SLC35F4: variants seen among roughly 807,000 people sequenced by gnomAD.
SLC35F4 encodes solute carrier family 35 member F4.
In SLC35F4, 24 loss-of-function variants were observed where a neutral mutation model predicts 44.2. The ratio of observed to expected loss-of-function variants is 0.54; its 90% CI spans 0.39 to 0.76. The LOEUF (loss-of-function observed/expected upper bound fraction) is 0.76. Among genes scored for constraint, SLC35F4 ranks in the 30% least tolerant of loss-of-function variants. The pLI, the probability that SLC35F4 is intolerant of heterozygous loss-of-function variation, is 0.00. For synonymous variants in SLC35F4, 238 were observed against 223.6 expected (o/e 1.06, Z -0.57); for missense variants, 562 against 586.1 (o/e 0.96, Z 0.42).
intron 1 of SLC35F4, among the ~76,000 whole-genome samples, chr14:57,929,912 CT>C (rs1566932128): frequency 6.6e-6 from 1 of 152,206 alleles, no homozygotes; most frequent in East Asian, 1.9e-4. Flanking sequence ...AGTCTGGGTG[CT>C]TTTTTTCCCT....
rs748541863 is a variant in SLC35F4, at chr14:57,569,853, T to G, written c.1061A>C (p.Glu354Ala). The change falls in exon 6 of 8, where the codon GAG becomes GCG. Residue 354 changes from glutamate (E) to alanine (A), a missense_variant. Physicochemically the swap from Glu to Ala is moderately radical, Grantham distance 107 (BLOSUM62 -1). Transcript: ENST00000556826. ...TPVILYFTKVEHWSSFAALPW... is the reference protein window; with the variant it reads ...TPVILYFTKVAHWSSFAALPW... Reference sequence around the variant, plus strand: ...CAGAGCAGCAAAAGAGGACCAGTGCTCCACCTTGGTGAAATACAAGATGAC... The same window carrying G: ...CAGAGCAGCAAAAGAGGACCAGTGCGCCACCTTGGTGAAATACAAGATGAC... 1 of 1,611,534 alleles carries G rather than the reference T, an allele frequency of 6.2e-7. No individual in the cohort carries two copies. The highest frequency in any genetic ancestry group is 8.5e-7 in the Non-Finnish European group (1 of 1,178,976).
intron 1 of SLC35F4, among the ~76,000 whole-genome samples, chr14:57,729,833 A>C (rs151331030): frequency 0.011 from 1,684 of 152,306 alleles, 14 homozygotes; most frequent in South Asian, 0.052. Flanking sequence ...CTGGGACCCC[A>C]GAGCACTTCA....
intron 1 of SLC35F4, among the ~76,000 whole-genome samples, chr14:57,915,550 G>T (rs1186023608): frequency 6.6e-6 from 1 of 152,140 alleles, no homozygotes; most frequent in Non-Finnish European, 1.5e-5. Context: ...GCAGCAGACT[G>T]AATGCTTTGC....
At chr14:57,620,002 A>G (rs1318661313) in intron 1 of SLC35F4, among the ~76,000 whole-genome samples, 2 of 152,166 alleles carry the variant, frequency 1.3e-5, no homozygotes, top group Non-Finnish European at 2.9e-5. Context: ...AAAAAGAATG[A>G]AAAGAAATGA....
intron 1 of SLC35F4, among the ~76,000 whole-genome samples, chr14:57,620,333 G>A (rs2072107840): frequency 6.6e-6 from 1 of 152,214 alleles, no homozygotes; most frequent in Middle Eastern, 3.2e-3. Flanking sequence ...CAGACTAACA[G>A]TGAATCTCTC....
intron 1 of SLC35F4, among the ~76,000 whole-genome samples, chr14:57,720,823 C>G (rs1026706540): frequency 6.6e-6 from 1 of 151,702 alleles, no homozygotes; most frequent in African/African-American, 2.4e-5. Context: ...AGTCTAGCCT[C>G]CCAGGCTACA....
intron 1 of SLC35F4, among the ~76,000 whole-genome samples, chr14:57,977,497 G>A (rs1881253309): frequency 2.0e-5 from 3 of 152,158 alleles, no homozygotes; most frequent in African/African-American, 4.8e-5. Flanking sequence ...GGAACTGATA[G>A]AAAGTGATTG....
Position 57,617,130 on chromosome 14 carries a change from C to CTTTTTTTTTTTTTTT in SLC35F4, c.104-23021_104-23007dup, listed in dbSNP as rs3054446. 3.4e-4 allele frequency among the ~76,000 whole-genome samples: 34 copies of CTTTTTTTTTTTTTTT among 99,242 alleles called. 3 individuals are homozygous for CTTTTTTTTTTTTTTT. Among genetic ancestry groups the CTTTTTTTTTTTTTTT allele is most frequent in the Non-Finnish European group, 5.0e-4 (26 of 52,458 alleles). 65.1% of individuals were successfully genotyped at this position (99,242 alleles called of 152,430 possible). A position where few individuals can be genotyped will look rare whatever the true frequency, so the allele number is the denominator to read the frequency against. On this transcript the variant is annotated intron_variant, in intron 1 of 7. Coordinates refer to ENST00000556826, the MANE Select transcript of SLC35F4 (RefSeq NM_001306087.2). ...CGAGCTCAGCTTAACTGTACTTATTCTTTTTTTTTTTTTTTTTTGAGACAG... is the reference window on the plus strand; with the variant it reads ...CGAGCTCAGCTTAACTGTACTTATTCTTTTTTTTTTTTTTTTTTTTTTTTTTTTTTTTTGAGACAG...
At chr14:57,777,448 T>C (rs982142102) in intron 1 of SLC35F4, among the ~76,000 whole-genome samples, 1 of 152,246 alleles carries the variant, frequency 6.6e-6, no homozygotes, top group African/African-American at 2.4e-5. Flanking sequence ...TATGCAGTCA[T>C]AAAAAAGGAT....
In SLC35F4 at chr14:57,621,436, A is replaced by G. The variant is rs558641605; in HGVS notation, c.104-27312T>C. Among the ~76,000 whole-genome samples the G allele has an allele frequency of 2.0e-5, 3 of 152,264 alleles. No individual in the cohort carries two copies. The East Asian group carries it at 5.8e-4, about 29-fold the overall frequency. The stretch of plus-strand genomic sequence containing the variant: ...CAAACTACACTACAAGGCTACAGTA[A>G]CCAAAACAGCATGGTACTGGTACCA... On this transcript the variant is annotated intron_variant, in intron 1 of 7. Coordinates refer to ENST00000556826, the MANE Select transcript of SLC35F4 (RefSeq NM_001306087.2).
At chr14:57,635,583 C>A (rs570868174) in intron 1 of SLC35F4, among the ~76,000 whole-genome samples, 25 of 152,132 alleles carry the variant, frequency 1.6e-4, no homozygotes, top group African/African-American at 5.5e-4. Context: ...CAGGAGGAAC[C>A]AGCACTGAGC....
Position 57,603,258 on chromosome 14 carries a change from T to C in SLC35F4, c.104-9134A>G, listed in dbSNP as rs180975279. 4.7e-3 allele frequency among the ~76,000 whole-genome samples: 711 copies of C among 152,302 alleles called. 6 individuals carry two copies. The highest frequency in any genetic ancestry group is 0.017 in the Middle Eastern group (5 of 294). ...GATCTTTAAATAATTTCCCAGATAATAGAAAGTGCTTTTCATTGCAAAAGA... is the reference window on the plus strand; with the variant it reads ...GATCTTTAAATAATTTCCCAGATAACAGAAAGTGCTTTTCATTGCAAAAGA... On this transcript the variant is annotated intron_variant, in intron 1 of 7. Coordinates refer to ENST00000556826, the MANE Select transcript of SLC35F4 (RefSeq NM_001306087.2).
At chr14:57,598,211 A>G (rs1476221608) in intron 1 of SLC35F4, among the ~76,000 whole-genome samples, 1 of 152,144 alleles carries the variant, frequency 6.6e-6, no homozygotes, top group Non-Finnish European at 1.5e-5. Flanking sequence ...TTCTCTGCGG[A>G]AAATTTGGTT....
rs572660364 is a variant in SLC35F4, at chr14:57,865,989, A to AGCGGCGGCGGCGGCG, written c.-179_-165dup. 2 of 373,206 alleles carry AGCGGCGGCGGCGGCG rather than the reference A, an allele frequency of 5.4e-6. No homozygotes were observed. The highest frequency in any genetic ancestry group is 9.0e-6 in the Non-Finnish European group (2 of 220,996). 23.1% of individuals were successfully genotyped at this position (373,206 alleles called of 1,614,324 possible). On this transcript the variant is annotated 5_prime_UTR_variant, in exon 1 of 8. Transcript: ENST00000556826. ...CGGCGCAGCACCGGCTCCGCATCAC[A>AGCGGCGGCGGCGGCG]GCGGCGGCGGCGGCGGCGGCGGCGG...
intron 1 of SLC35F4, among the ~76,000 whole-genome samples, chr14:57,620,924 T>C (rs2072143294): frequency 6.6e-6 from 1 of 152,038 alleles, no homozygotes; most frequent in African/African-American, 2.4e-5. Context: ...AACCCCATCA[T>C]CTCAGCCCAA....
intron 1 of SLC35F4, among the ~76,000 whole-genome samples, chr14:57,636,358 C>A (rs1481732096): frequency 6.6e-6 from 1 of 152,058 alleles, no homozygotes; most frequent in African/African-American, 2.4e-5. Flanking sequence ...AAATACCATG[C>A]ACGGTAGCTC....
intron 1 of SLC35F4, among the ~76,000 whole-genome samples, chr14:57,773,325 C>T (rs982213022): frequency 2.0e-5 from 3 of 152,178 alleles, no homozygotes; most frequent in African/African-American, 7.2e-5. Context: ...ATATACATAA[C>T]TCACCAACTC....
chr14:57,603,291 A>G (rs75682378), intron 1 of SLC35F4, among the ~76,000 whole-genome samples: 2,996 of 152,244 alleles, frequency 0.02, 70 homozygotes, highest in African/African-American at 0.052. Context: ...AGAACAAACA[A>G]TTTTTTTAAA....
chr14:57,737,324 A>G (rs1472838805), intron 1 of SLC35F4, among the ~76,000 whole-genome samples: 2 of 151,952 alleles, frequency 1.3e-5, no homozygotes, highest in African/African-American at 2.4e-5. Context: ...TTTTCCTCCA[A>G]TCTACTCCCT....
Sources: gnomAD v4.1 joint callset for allele counts (sites outside exome capture counted in the v4.1 genomes callset) on GRCh38, gnomAD v4.1.1 for gene constraint, MANE v1.5 for transcripts, NCBI Gene and HGNC (gene_info 2026-07-23, HGNC 2026-07-21) for gene names.